ADAMTS6: variants seen among roughly 807,000 people sequenced by gnomAD.
ADAMTS6 encodes the protein ADAM metallopeptidase with thrombospondin type 1 motif 6.
In ADAMTS6, 23 loss-of-function variants were observed where a neutral mutation model predicts 144.3. The ratio of observed to expected loss-of-function variants is 0.16; its 90% CI spans 0.11 to 0.23. ADAMTS6 has a LOEUF of 0.23. Among genes scored for constraint, ADAMTS6 ranks in the 10% least tolerant of loss-of-function variants. The pLI, the probability that ADAMTS6 is intolerant of heterozygous loss-of-function variation, is 1.00. For missense variants in ADAMTS6, 999 were observed against 1,379.6 expected (o/e 0.72, Z 4.37); for synonymous variants, 444 against 457.5 (o/e 0.97, Z 0.38).
intron 11 of ADAMTS6, among the ~76,000 whole-genome samples, chr5:65,290,599 A>T (rs1188336686): frequency 6.6e-6 from 1 of 152,160 alleles, no homozygotes; most frequent in Non-Finnish European, 1.5e-5. Context: ...TTATTTTTTA[A>T]ATCTGAATTT....
chr5:65,321,432 T>C (rs1481270803), intron 9 of ADAMTS6, among the ~76,000 whole-genome samples: 2 of 152,118 alleles, frequency 1.3e-5, no homozygotes, highest in Admixed American at 1.3e-4. Context: ...ATATAGGCTG[T>C]ATATTAGACC....
At chr5:65,153,869 ATTGCTTCTCCC>A (rs762682406) in intron 24 of ADAMTS6, among the ~76,000 whole-genome samples, 20 of 152,306 alleles carry the variant, frequency 1.3e-4, no homozygotes, top group Middle Eastern at 3.4e-3. Flanking sequence ...ATATTCATAA[ATTGCTTCTCCC>A]TTCACCTGCC....
intron 9 of ADAMTS6, among the ~76,000 whole-genome samples, chr5:65,305,590 G>GT (rs11415732): frequency 1 from 152,313 of 152,314 alleles, 76,156 homozygotes; most frequent in Non-Finnish European, 1. Context: ...ACAAAGGAGT[G>GT]TTGGCAAACC....
intron 15 of ADAMTS6, among the ~76,000 whole-genome samples, chr5:65,237,387 C>CA (rs371275883): frequency 0.24 from 18,417 of 76,818 alleles, 2,075 homozygotes; most frequent in African/African-American, 0.4. Flanking sequence ...GACCTTGTCT[C>CA]AAAAAAAAAA....
intron 9 of ADAMTS6, among the ~76,000 whole-genome samples, chr5:65,328,755 A>T (rs1038990439): frequency 1.3e-4 from 18 of 143,232 alleles, no homozygotes; most frequent in East Asian, 3.9e-4. Flanking sequence ...TTAAAATTTT[A>T]AAAATGGTAT....
At chr5:65,406,851 G>T (rs190514952) in intron 7 of ADAMTS6, among the ~76,000 whole-genome samples, 1 of 152,022 alleles carries the variant, frequency 6.6e-6, no homozygotes, top group Non-Finnish European at 1.5e-5. Flanking sequence ...TTAGCATGAA[G>T]GGCTGTTGAA....
chr5:65,165,993 C>A (rs1182397313), intron 24 of ADAMTS6, among the ~76,000 whole-genome samples: 4 of 150,168 alleles, frequency 2.7e-5, no homozygotes, highest in African/African-American at 9.8e-5. Context: ...AAATAACCAG[C>A]TAACATCATA....
At chr5:65,404,126 G>A (rs1754201733) in intron 7 of ADAMTS6, among the ~76,000 whole-genome samples, 1 of 151,776 alleles carries the variant, frequency 6.6e-6, no homozygotes, top group Non-Finnish European at 1.5e-5. Flanking sequence ...ATGCATTAAT[G>A]AATTAAGAAA....
intron 9 of ADAMTS6, among the ~76,000 whole-genome samples, chr5:65,302,090 T>C (rs1580339438): frequency 2.9e-5 from 2 of 68,436 alleles, no homozygotes; most frequent in South Asian, 4.3e-4. Flanking sequence ...AGGCTCTGTC[T>C]CCAAAAAAAA....
Position 65,260,611 on chromosome 5 carries a change from A to C in ADAMTS6, c.1819T>G (p.Cys607Gly). 1 of 1,613,586 alleles carries C rather than the reference A, an allele frequency of 6.2e-7. No homozygotes were observed. Among genetic ancestry groups the C allele is most frequent in the South Asian group, 1.1e-5 (1 of 91,044 alleles). ...CLGERKRYRS[C>G]NTDPCPLGSR... ...TTGGTTTTACTTACATCTGTGTTACAGGAGCGATACCGTTTCCTTTCCCCA... is the reference window on the plus strand; with the variant it reads ...TTGGTTTTACTTACATCTGTGTTACCGGAGCGATACCGTTTCCTTTCCCCA... The change falls in exon 14 of 25, where the codon TGT becomes GGT. Residue 607 changes from cysteine (C) to glycine (G), a missense_variant. By Grantham distance (159) the Cys-to-Gly change is radical (BLOSUM62 -3). This residue lies in a region of ADAMTS6 where 619 missense variants were observed against 837.0 expected (regional missense o/e 0.74). Transcript: ENST00000381055.
At chr5:65,416,695 C>T (rs762077031) in intron 7 of ADAMTS6, among the ~76,000 whole-genome samples, 5 of 148,138 alleles carry the variant, frequency 3.4e-5, no homozygotes, top group Non-Finnish European at 7.4e-5. Flanking sequence ...GAGCGGAGAT[C>T]ACAGAGCTCA....
In ADAMTS6 at chr5:65,473,765, T is replaced by C; in HGVS notation, c.-92A>G. 2.0e-6 allele frequency: 2 copies of C among 976,234 alleles called. No individual in the cohort carries two copies. The highest frequency in any genetic ancestry group is 3.0e-5 in the South Asian group (2 of 67,060). 60.5% of individuals were successfully genotyped at this position (976,234 alleles called of 1,614,324 possible). On this transcript the variant is annotated 5_prime_UTR_variant, in exon 2 of 25. Coordinates refer to ENST00000381055, the MANE Select transcript of ADAMTS6 (RefSeq NM_197941.4). Reference sequence around the variant, plus strand: ...ATCGAAGCATAACAATTTTATTTCTTTAAAACTTCTTGCAAATTAGTTATT... The same window carrying C: ...ATCGAAGCATAACAATTTTATTTCTCTAAAACTTCTTGCAAATTAGTTATT...
chr5:65,197,656 C>A (rs1342295557), intron 20 of ADAMTS6, among the ~76,000 whole-genome samples: 1 of 152,030 alleles, frequency 6.6e-6, no homozygotes, highest in Non-Finnish European at 1.5e-5. Flanking sequence ...ATTTTTTCTT[C>A]CGTTTATATA....
At chr5:65,394,567 T>C (rs950337219) in intron 7 of ADAMTS6, among the ~76,000 whole-genome samples, 1 of 152,178 alleles carries the variant, frequency 6.6e-6, no homozygotes, top group Non-Finnish European at 1.5e-5. Context: ...TAACATGGAT[T>C]GGGTTGAGGA....
intron 20 of ADAMTS6, chr5:65,198,446 A>G (rs566160163): frequency 1.8e-5 from 3 of 167,156 alleles, no homozygotes; most frequent in African/African-American, 7.2e-5. Flanking sequence ...AAAGAGCTAC[A>G]CACCAAATGC....
At chr5:65,387,104 T>C (rs1034519357) in intron 7 of ADAMTS6, among the ~76,000 whole-genome samples, 11 of 152,212 alleles carry the variant, frequency 7.2e-5, no homozygotes, top group Admixed American at 6.5e-5. Flanking sequence ...TGAAATTCCA[T>C]GAGTAGAGAG....
chr5:65,170,543 G>C (rs1028766748), intron 24 of ADAMTS6, 74 bp downstream of exon 24: 3 of 1,536,964 alleles, frequency 2.0e-6, no homozygotes, highest in Non-Finnish European at 1.8e-6. Flanking sequence ...TGGGTTTACT[G>C]TGCTCTTCAG....
Position 65,273,435 on chromosome 5 carries a change from C to G in ADAMTS6, c.1525G>C (p.Glu509Gln). 6.2e-7 allele frequency: 1 copy of G among 1,613,326 alleles called. No homozygotes were observed. The highest frequency in any genetic ancestry group is 1.1e-5 in the South Asian group (1 of 91,028). ...RQCKYGEVCR[E>Q]LWCLSKSNRC... The stretch of plus-strand genomic sequence containing the variant: ...TTGCTTTTGCTGAGACACCAGAGCT[C>G]TCTACACACTTCCTAGGAAAGAAGG... The change falls in exon 12 of 25, where the codon GAG becomes CAG. Residue 509 changes from glutamate (E) to glutamine (Q), a missense_variant. Physicochemically the swap from Glu to Gln is conservative, Grantham distance 29 (BLOSUM62 2). Coordinates refer to ENST00000381055, the MANE Select transcript of ADAMTS6 (RefSeq NM_197941.4).
chr5:65,344,392 A>G (rs1396977065), intron 7 of ADAMTS6, among the ~76,000 whole-genome samples: 1 of 151,922 alleles, frequency 6.6e-6, no homozygotes, highest in Non-Finnish European at 1.5e-5. Context: ...CTATATTTCT[A>G]TACATCCACA....
Sources: allele counts gnomAD v4.1 joint callset (sites outside exome capture counted in the v4.1 genomes callset), GRCh38; gene constraint gnomAD v4.1.1; regional missense constraint gnomAD v4.1.1; transcripts MANE v1.5; gene names NCBI Gene and HGNC (gene_info 2026-07-23, HGNC 2026-07-21).